The following DGKG variants were observed in gnomAD, a reference collection of about 807,000 sequenced individuals.
DGKG encodes diacylglycerol kinase gamma.
Under a neutral mutation model 105.3 loss-of-function variants are expected in DGKG, and 78 were observed. That is an observed-to-expected ratio of 0.74 (90% CI 0.62 to 0.89). The LOEUF is 0.89. DGKG is among the 40% of genes least tolerant of loss of function. The pLI is 0.00. For synonymous variants in DGKG, 346 were observed against 367.1 expected (o/e 0.94, Z 0.66); for missense variants, 958 against 1,020.1 (o/e 0.94, Z 0.83).
intron 20 of DGKG, among the ~76,000 whole-genome samples, chr3:186,224,639 G>A (rs559439110): frequency 1.3e-5 from 2 of 152,252 alleles, no homozygotes; most frequent in Admixed American, 6.5e-5. Flanking sequence ...GATCTCAGCA[G>A]GTTAGAATCT....
chr3:186,156,236 TA>T (rs529742892), intron 24 of DGKG, among the ~76,000 whole-genome samples: 368 of 152,302 alleles, frequency 2.4e-3, no homozygotes, highest in Non-Finnish European at 3.8e-3. Flanking sequence ...TAAGAACATT[TA>T]ATACTGTAAT....
chr3:186,161,678 A>T lies in DGKG; in HGVS notation c.2217-15T>A, dbSNP rs368878566. ...GCTTGTTTGTCCTGGAACCCAGAAC[A>T]CCAAGAGAACACAGTGAGCTTTTTC... On this transcript the variant is annotated splice_polypyrimidine_tract_variant and intron_variant, in intron 23 of 24. Coordinates refer to ENST00000265022, the MANE Select transcript of DGKG (RefSeq NM_001346.3). 1.9e-6 allele frequency: 3 copies of T among 1,614,208 alleles called. No individual in the cohort carries two copies. Among genetic ancestry groups the T allele is most frequent in the Non-Finnish European group, 2.5e-6 (3 of 1,180,028 alleles).
intron 3 of DGKG, 24 bp downstream of exon 3, chr3:186,306,876 AG>A (rs1249433170): frequency 4.6e-6 from 7 of 1,527,720 alleles, no homozygotes; most frequent in Non-Finnish European, 6.3e-6. Flanking sequence ...GGGTTTTTAA[AG>A]GCTTAAAATG....
chr3:186,337,993 AC>A (rs1725908461), intron 1 of DGKG, among the ~76,000 whole-genome samples: 1 of 151,916 alleles, frequency 6.6e-6, no homozygotes, highest in Admixed American at 6.6e-5. Context: ...ACAGGGCAAA[AC>A]CCTGTCTCTA....
chr3:186,181,150 G>A (rs1717340092), intron 22 of DGKG, among the ~76,000 whole-genome samples: 1 of 152,178 alleles, frequency 6.6e-6, no homozygotes, highest in African/African-American at 2.4e-5. Flanking sequence ...CTAATTATAT[G>A]CCTGTCTGTG....
chr3:186,352,150 T>A (rs1369315322), intron 1 of DGKG, among the ~76,000 whole-genome samples: 1 of 152,102 alleles, frequency 6.6e-6, no homozygotes, highest in Non-Finnish European at 1.5e-5. Context: ...AGAAAGACCA[T>A]GCTTACAAAT....
chr3:186,335,454 T>G (rs1725788354), intron 1 of DGKG, among the ~76,000 whole-genome samples: 1 of 152,218 alleles, frequency 6.6e-6, no homozygotes, highest in Admixed American at 6.5e-5. Context: ...ATGTTAGACA[T>G]AAACCCTTTA....
At chr3:186,223,270 G>A (rs9861076) in intron 20 of DGKG, among the ~76,000 whole-genome samples, 23,527 of 151,410 alleles carry the variant, frequency 0.16, 2,477 homozygotes, top group African/African-American at 0.3. Context: ...TTCTACTTAG[G>A]AGGGGAATGG....
At position 186,210,921 on chromosome 3, in the gene DGKG, A is replaced by G. The variant is rs1410120069; in HGVS notation, c.1917+874T>C. The stretch of plus-strand genomic sequence containing the variant: ...GTAAAGTCCCACGGAGCAGGTGTGC[A>G]TAGAAGTTTGGGCTTTCAGGTGGCC... On this transcript the variant is annotated intron_variant, in intron 21 of 24. Transcript: ENST00000265022. The surrounding 1 kb of genome is among the most constrained non-coding windows in gnomAD (Gnocchi z 5.2). Among the ~76,000 whole-genome samples, 1 of 152,252 alleles carries G rather than the reference A, an allele frequency of 6.6e-6. No individual in the cohort carries two copies. Among genetic ancestry groups the G allele is most frequent in the African/African-American group, 2.4e-5 (1 of 41,468 alleles).
intron 13 of DGKG, among the ~76,000 whole-genome samples, chr3:186,266,029 TTTTG>T (rs373192646): frequency 1.4e-3 from 218 of 152,258 alleles, no homozygotes; most frequent in African/African-American, 5.0e-3. Flanking sequence ...TTTTTCTTGG[TTTTG>T]TTTGTTTTTC....
At chr3:186,251,652 G>GCAGGTAAGA (rs1560115839) in intron 19 of DGKG, 107 bp downstream of exon 19, 1 of 1,302,052 alleles carries the variant, frequency 7.7e-7, no homozygotes, top group African/African-American at 1.5e-5. Context: ...GGCTGGGGGG[G>GCAGGTAAGA]CAGGTAAGAC....
rs942929831 is a variant in DGKG at position 186,298,212 on chromosome 3, G to A, written c.162C>T (p.Val54=). ...GGTACGCCCTCATGAACAGCTTGAA[G>A]ACATCATAGCTAATCGGCTGAGAAG... ...YDPHEPISYD[V]FKLFMRAYLE... is the part of the protein sequence containing the mutation. The change falls in exon 4 of 25, where the codon GTC becomes GTT. Residue 54 remains valine, a synonymous_variant. Coordinates refer to ENST00000265022, the MANE Select transcript of DGKG (RefSeq NM_001346.3). The A allele has an allele frequency of 5.0e-6, 8 of 1,608,154 alleles. No homozygotes were observed. The highest frequency in any genetic ancestry group is 1.3e-5 in the African/African-American group (1 of 74,722).
chr3:186,243,599 AC>A (rs1720790055), intron 19 of DGKG, among the ~76,000 whole-genome samples: 2 of 152,014 alleles, frequency 1.3e-5, no homozygotes, highest in Admixed American at 6.6e-5. Context: ...TCGGTCTTCC[AC>A]CCTCGACAAT....
chr3:186,273,521 T>G (rs752081877), intron 10 of DGKG, among the ~76,000 whole-genome samples: 2 of 151,802 alleles, frequency 1.3e-5, no homozygotes, highest in South Asian at 4.2e-4. Flanking sequence ...ATTACAAGCA[T>G]GCGCCACCAT....
intron 1 of DGKG, among the ~76,000 whole-genome samples, chr3:186,329,122 T>C (rs1725485448): frequency 6.6e-6 from 1 of 152,168 alleles, no homozygotes; most frequent in Admixed American, 6.5e-5. Flanking sequence ...ACCCCAAGCA[T>C]CTTTTCTGAC....
intron 14 of DGKG, among the ~76,000 whole-genome samples, chr3:186,264,304 C>T (rs1721936004): frequency 6.6e-6 from 1 of 152,100 alleles, no homozygotes; most frequent in South Asian, 2.1e-4. Flanking sequence ...CCCTCTGTTG[C>T]CCAGGCTGGA....
intron 20 of DGKG, among the ~76,000 whole-genome samples, chr3:186,228,204 G>A (rs751188318): frequency 5.9e-5 from 9 of 152,100 alleles, no homozygotes; most frequent in African/African-American, 1.4e-4. Flanking sequence ...AAGCTCTGTC[G>A]TTGGTTTCCA....
At chr3:186,275,730 C>T (rs1460209115) in intron 9 of DGKG, 66 bp from the exon 10 acceptor site, 4 of 1,035,128 alleles carry the variant, frequency 3.9e-6, no homozygotes, top group Non-Finnish European at 5.8e-6. Context: ...CCAGGGGCTG[C>T]CTCTTGCATG....
chr3:186,329,332 T>C (rs1324543677), intron 1 of DGKG, among the ~76,000 whole-genome samples: 1 of 152,184 alleles, frequency 6.6e-6, no homozygotes, highest in Non-Finnish European at 1.5e-5. Flanking sequence ...TGCAATTTTA[T>C]ATACTGGATC....
Sources: gnomAD v4.1 joint callset for allele counts (sites outside exome capture counted in the v4.1 genomes callset) on GRCh38, gnomAD v4.1.1 for gene constraint, Gnocchi (gnomAD v3.1) non-coding constraint, MANE v1.5 for transcripts, NCBI Gene and HGNC (gene_info 2026-07-23, HGNC 2026-07-21) for gene names.